The following DOK6 variants were observed in gnomAD, a reference collection of about 807,000 sequenced individuals.
The protein encoded by DOK6 is docking protein 6.
A neutral mutation model predicts 44.0 loss-of-function variants in DOK6; 22 were observed. The ratio of observed to expected loss-of-function variants is 0.50; its 90% CI spans 0.36 to 0.71. The LOEUF is 0.71. Among genes scored for constraint, DOK6 ranks in the 30% least tolerant of loss-of-function variants. The probability of loss-of-function intolerance (pLI) is 0.00; values close to 1 mark genes in which losing one functional copy is unlikely to be tolerated. For missense variants in DOK6, 340 were observed against 416.4 expected, an observed-to-expected ratio of 0.82 and a Z score of 1.60; for synonymous variants, 166 against 145.5, an observed-to-expected ratio of 1.14 and a Z score of -1.01.
intron 6 of DOK6, among the ~76,000 whole-genome samples, chr18:69,741,027 T>A (rs984386687): frequency 2.6e-5 from 4 of 152,154 alleles, no homozygotes; most frequent in Non-Finnish European, 5.9e-5. Context: ...GTAATTGCTT[T>A]TAATGGCTCA....
intron 7 of DOK6, among the ~76,000 whole-genome samples, chr18:69,765,158 C>T (rs1979679749): frequency 1.3e-5 from 2 of 152,196 alleles, no homozygotes; most frequent in Admixed American, 1.3e-4. Context: ...GTCCAAACTG[C>T]ATTGTATATA....
At chr18:69,470,092 T>A (rs1167985982) in intron 1 of DOK6, 3 of 160,560 alleles carry the variant, frequency 1.9e-5, no homozygotes, top group African/African-American at 7.2e-5. Context: ...AGCATTATGA[T>A]CCTTTCCGGC....
intron 5 of DOK6, among the ~76,000 whole-genome samples, chr18:69,706,060 C>G (rs1986626329): frequency 6.6e-6 from 1 of 152,200 alleles, no homozygotes; most frequent in Admixed American, 6.5e-5. Flanking sequence ...AGCGAGAGAA[C>G]TTGACAGCAC....
At chr18:69,448,193 T>A (rs1979351222) in intron 1 of DOK6, among the ~76,000 whole-genome samples, 1 of 152,184 alleles carries the variant, frequency 6.6e-6, no homozygotes, top group African/African-American at 2.4e-5. Context: ...AATTCTTACT[T>A]CATTAAACTT....
chr18:69,733,572 CAATAT>C (rs1978491051), intron 5 of DOK6, among the ~76,000 whole-genome samples: 1 of 152,106 alleles, frequency 6.6e-6, no homozygotes, highest in Non-Finnish European at 1.5e-5. Context: ...TTTAAGTATA[CAATAT>C]ATTTTTATTA....
At chr18:69,525,162 T>A (rs1320056799) in intron 1 of DOK6, among the ~76,000 whole-genome samples, 1 of 151,894 alleles carries the variant, frequency 6.6e-6, no homozygotes, top group Non-Finnish European at 1.5e-5. Flanking sequence ...TGCTAAGTAA[T>A]CTTTGTTTAT....
chr18:69,787,187 G>A (rs1283142064), intron 7 of DOK6, among the ~76,000 whole-genome samples: 1 of 152,170 alleles, frequency 6.6e-6, no homozygotes, highest in African/African-American at 2.4e-5. Flanking sequence ...CTGCATTCCA[G>A]GCTGGGCAAC....
chr18:69,712,097 C>T (rs933746270), intron 5 of DOK6, among the ~76,000 whole-genome samples: 24 of 149,878 alleles, frequency 1.6e-4, no homozygotes, highest in East Asian at 3.9e-4. Flanking sequence ...CCGGCTAAAA[C>T]GGTGAAACCC....
intron 1 of DOK6, among the ~76,000 whole-genome samples, chr18:69,549,775 C>T (rs1425700504): frequency 6.6e-6 from 1 of 151,218 alleles, no homozygotes; most frequent in African/African-American, 2.4e-5. Flanking sequence ...GATCTGGAAG[C>T]ACTTATAGTC....
At position 69,560,241 on chromosome 18, in the gene DOK6, G is replaced by A. The variant is rs150593830; in HGVS notation, c.67-4246G>A. Among the ~76,000 whole-genome samples the A allele has an allele frequency of 1.9e-4, 29 of 152,196 alleles. No homozygotes were observed. In the East Asian group the frequency reaches 5.6e-3, roughly 29 times the overall value. ...AACCTGCACTAAAAATTAAATTGTT[G>A]TGACTAAAAAACTGTTTTTAGGCAT... is the stretch of plus-strand genomic sequence containing the variant. On this transcript the variant is annotated intron_variant, in intron 1 of 7. Transcript: ENST00000382713.
At chr18:69,425,224 A>G (rs1044233683) in intron 1 of DOK6, among the ~76,000 whole-genome samples, 1 of 151,976 alleles carries the variant, frequency 6.6e-6, no homozygotes, top group African/African-American at 2.4e-5. Flanking sequence ...ATGGATCGAT[A>G]ATTTGCCCAC....
intron 1 of DOK6, among the ~76,000 whole-genome samples, chr18:69,525,594 C>T (rs755668816): frequency 6.6e-6 from 1 of 152,020 alleles, no homozygotes; most frequent in Non-Finnish European, 1.5e-5. Flanking sequence ...TGTACTACTA[C>T]ACTTGCCATT....
intron 1 of DOK6, among the ~76,000 whole-genome samples, chr18:69,407,419 T>C (rs1599116413): frequency 6.6e-6 from 1 of 152,362 alleles, no homozygotes; most frequent in Non-Finnish European, 1.5e-5. Context: ...GAGCATACTA[T>C]GATTTCTTTA....
At chr18:69,826,790 C>T (rs1211489431) in intron 7 of DOK6, among the ~76,000 whole-genome samples, 1 of 152,162 alleles carries the variant, frequency 6.6e-6, no homozygotes, top group African/African-American at 2.4e-5. Flanking sequence ...GAATCATGAA[C>T]TTAACTGTAA....
intron 7 of DOK6, among the ~76,000 whole-genome samples, chr18:69,796,637 G>A (rs1375138771): frequency 2.0e-5 from 3 of 152,190 alleles, no homozygotes; most frequent in Non-Finnish European, 4.4e-5. Flanking sequence ...AAAGATTAAA[G>A]TCACTGGCAA....
At chr18:69,841,202 TG>T (rs1982206940) in intron 7 of DOK6, 41 bp from the exon 8 acceptor site, 1 of 1,612,048 alleles carries the variant, frequency 6.2e-7, no homozygotes, top group Non-Finnish European at 8.5e-7. Flanking sequence ...TTTGTGCTTC[TG>T]AATCTGTTTC....
At chr18:69,482,427 G>A (rs956045347) in intron 1 of DOK6, among the ~76,000 whole-genome samples, 1 of 150,584 alleles carries the variant, frequency 6.6e-6, no homozygotes, top group Non-Finnish European at 1.5e-5. Context: ...TAAATAGAAC[G>A]GGACTGACAA....
At chr18:69,541,402 T>C (rs1405158864) in intron 1 of DOK6, among the ~76,000 whole-genome samples, 3 of 151,524 alleles carry the variant, frequency 2.0e-5, no homozygotes, top group African/African-American at 7.3e-5. Flanking sequence ...ATTGATGATG[T>C]ATGTATATTA....
At chr18:69,523,302 A>G (rs940620279) in intron 1 of DOK6, among the ~76,000 whole-genome samples, 2 of 152,126 alleles carry the variant, frequency 1.3e-5, no homozygotes, top group Admixed American at 1.3e-4. Context: ...AAATGTGTAT[A>G]AGGAATAAGA....
Sources: gnomAD v4.1 joint callset for allele counts (sites outside exome capture counted in the v4.1 genomes callset) on GRCh38, gnomAD v4.1.1 for gene constraint, MANE v1.5 for transcripts, NCBI Gene and HGNC (gene_info 2026-07-23, HGNC 2026-07-21) for gene names.